Variants in SYNE1 observed in about 807,000 individuals in gnomAD.
The protein encoded by SYNE1 is spectrin repeat containing nuclear envelope protein 1.
SYNE1 carries 616 observed loss-of-function variants against 1,111.0 expected under a neutral mutation model. The observed-to-expected ratio is 0.55, with a 90% CI of 0.52 to 0.59. The LOEUF is 0.59. Among genes scored for constraint, SYNE1 ranks in the 20% least tolerant of loss-of-function variants. The probability of loss-of-function intolerance (pLI) is 0.00; values close to 1 mark genes in which losing one functional copy is unlikely to be tolerated. For synonymous variants in SYNE1, 3,855 were observed against 3,825.8 expected, an observed-to-expected ratio of 1.01 and a Z score of -0.28; for missense variants, 10,006 against 10,417.0, an observed-to-expected ratio of 0.96 and a Z score of 1.72.
chr6:152,608,751 C>T (rs1032795195), intron 3 of SYNE1, among the ~76,000 whole-genome samples: 8 of 152,018 alleles, frequency 5.3e-5, no homozygotes, highest in African/African-American at 7.2e-5. Context: ...CTGGCCACCA[C>T]GGTCAAACCT....
rs1180532365 is a variant in SYNE1 at position 152,330,130 on chromosome 6, T to G, written c.14555A>C (p.Glu4852Ala). 4 of 1,614,204 alleles carry G rather than the reference T, an allele frequency of 2.5e-6. No individual in the cohort carries two copies. The Admixed American group carries it at 6.7e-5, about 27-fold the overall frequency. Residue 4852 changes from glutamate (E) to alanine (A), a missense_variant, in exon 78 of 146, where the codon GAG (glutamate) becomes GCG (alanine). Physicochemically the swap from Glu to Ala is moderately radical, Grantham distance 107 (BLOSUM62 -1). Transcript: ENST00000367255. ...GGACTGGATCTGATGCCTGGCTTTC[T>G]CATAAGCCAAGGGGTCAAGGTGTGG... ...LAPHLDPLAYEKARHQIQSWQ... is the reference protein window; with the variant it reads ...LAPHLDPLAYAKARHQIQSWQ...
chr6:152,557,587 T>A (rs190296393), intron 3 of SYNE1, among the ~76,000 whole-genome samples: 19 of 152,224 alleles, frequency 1.2e-4, no homozygotes, highest in Admixed American at 1.2e-3. Context: ...TTGTTATGTA[T>A]AAGGGAAACT....
intron 4 of SYNE1, among the ~76,000 whole-genome samples, chr6:152,533,796 CA>C (rs1326922776): frequency 3.9e-5 from 6 of 152,226 alleles, no homozygotes; most frequent in South Asian, 4.2e-4. Context: ...ACATTTTCAG[CA>C]CCTAGAATAT....
intron 73 of SYNE1, 145 bp from the exon 74 acceptor site, chr6:152,344,372 G>C: frequency 7.8e-7 from 1 of 1,288,016 alleles, no homozygotes; most frequent in Non-Finnish European, 1.1e-6. Context: ...TAAGGCAGTT[G>C]TATGTCTCCC....
chr6:152,380,966 T>A (rs1462686206), intron 56 of SYNE1, 40 bp downstream of exon 56: 1 of 1,597,006 alleles, frequency 6.3e-7, no homozygotes, highest in Non-Finnish European at 8.6e-7. Context: ...AAACATTTTT[T>A]AAAGCATAAC....
chr6:152,614,437 C>A (rs2178008), intron 3 of SYNE1, among the ~76,000 whole-genome samples: 108,835 of 152,056 alleles, frequency 0.72, 39,041 homozygotes, highest in East Asian at 0.81. Flanking sequence ...AAGGAGATAC[C>A]ATCTCACACC....
chr6:152,323,598 G>C lies in SYNE1; in HGVS notation c.15797C>G (p.Ser5266Trp). The C allele has an allele frequency of 1.2e-6, 2 of 1,614,190 alleles. No individual in the cohort carries two copies. Among genetic ancestry groups the C allele is most frequent in the East Asian group, 2.2e-5 (1 of 44,886 alleles). The change falls in exon 82 of 146, where the codon TCG (serine) becomes TGG (tryptophan). Residue 5266 changes from serine to tryptophan, a missense_variant. Ser to Trp is a radical substitution (Grantham distance 177). Transcript: ENST00000367255. ...TFVLELEQQQSALGMLRQQTL... is the reference protein window; with the variant it reads ...TFVLELEQQQWALGMLRQQTL... The stretch of plus-strand genomic sequence containing the variant: ...TTGCTGCCGCAGCATGCCCAAGGCC[G>C]ACTGCTGCTGCTCCAGCTCCAGAAC...
chr6:152,328,819 G>A (rs2096163603), intron 78 of SYNE1, among the ~76,000 whole-genome samples: 1 of 152,144 alleles, frequency 6.6e-6, no homozygotes, highest in African/African-American at 2.4e-5. Flanking sequence ...TTATCCCCAA[G>A]TCAAGTAATT....
chr6:152,521,557 T>A (rs539487620), intron 5 of SYNE1, among the ~76,000 whole-genome samples: 1 of 152,214 alleles, frequency 6.6e-6, no homozygotes, highest in Non-Finnish European at 1.5e-5. Flanking sequence ...TGAATATATG[T>A]AAAATGTATA....
intron 76 of SYNE1, chr6:152,336,311 G>A (rs1261420607): frequency 5.5e-6 from 1 of 182,872 alleles, no homozygotes; most frequent in Non-Finnish European, 1.2e-5. Flanking sequence ...ATATTTGAAT[G>A]TCTACTTTAT....
rs1382798556 is a variant in SYNE1 at position 152,191,948 on chromosome 6, A to G, written c.23146-2541T>C. On this transcript the variant is annotated intron_variant, in intron 127 of 145. Transcript: ENST00000367255. ...GTAGGTTTTGGTATGTTGTGTTTCC[A>G]TTATCATTTGTTTCAAGAAATTTTT... Among the ~76,000 whole-genome samples, 6 of 152,086 alleles carry G rather than the reference A, an allele frequency of 3.9e-5. No homozygotes were observed. The East Asian group carries it at 7.7e-4, about 19-fold the overall frequency.
chr6:152,385,671 G>C lies in SYNE1; in HGVS notation c.8652+3C>G. ...TAGATATAGCATCTGTTCATTTCCT[G>C]ACCTTAATTTTTGATAACTTTTTCT... On this transcript the variant is annotated splice_donor_region_variant and intron_variant, in intron 55 of 145. Transcript: ENST00000367255. The C allele has an allele frequency of 6.2e-7, 1 of 1,614,002 alleles. No individual in the cohort carries two copies.
At position 152,242,222 on chromosome 6, in the gene SYNE1, C is replaced by A. The variant is rs1306460593; in HGVS notation, c.19893+18G>T. ...TTCCAATTACATTTTCTCTCTATCA[C>A]TCTTTTTTGTTATGTACCTTATGTT... On this transcript the variant is annotated intron_variant, in intron 107 of 145. Coordinates refer to ENST00000367255, the MANE Select transcript of SYNE1 (RefSeq NM_182961.4). 6.2e-7 allele frequency: 1 copy of A among 1,605,792 alleles called. No homozygotes were observed. The highest frequency in any genetic ancestry group is 1.7e-5 in the Admixed American group (1 of 60,006).
chr6:152,214,484 T>C (rs1270251411), intron 122 of SYNE1, among the ~76,000 whole-genome samples: 3 of 152,216 alleles, frequency 2.0e-5, no homozygotes, highest in African/African-American at 2.4e-5. Context: ...TGTGAATGTA[T>C]CCCTTCCATA....
At chr6:152,176,371 C>T in intron 130 of SYNE1, 23 bp downstream of exon 130, 1 of 1,613,830 alleles carries the variant, frequency 6.2e-7, no homozygotes, top group South Asian at 1.1e-5. Context: ...CACACGTGCC[C>T]TATTGACTCA....
intron 95 of SYNE1, among the ~76,000 whole-genome samples, chr6:152,290,640 G>C (rs1267393051): frequency 6.6e-6 from 1 of 151,954 alleles, no homozygotes; most frequent in Non-Finnish European, 1.5e-5. Context: ...TTAGACAAGT[G>C]TTTAAAGGAA....
At chr6:152,447,930 C>A (rs573676711) in intron 28 of SYNE1, among the ~76,000 whole-genome samples, 1 of 152,164 alleles carries the variant, frequency 6.6e-6, no homozygotes, top group Non-Finnish European at 1.5e-5. Flanking sequence ...TGAGACGCCA[C>A]AATTGGCAAC....
At chr6:152,434,910 A>G (rs2098459553) in intron 33 of SYNE1, 1 of 152,214 alleles carries the variant, frequency 6.6e-6, no homozygotes, top group Non-Finnish European at 1.5e-5. Flanking sequence ...TGTCAGCAGT[A>G]CAGGTAATGC....
chr6:152,485,099 AAC>A, intron 12 of SYNE1, 127 bp from the exon 13 acceptor site: 1 of 1,104,514 alleles, frequency 9.1e-7, no homozygotes, highest in Non-Finnish European at 1.3e-6. Context: ...TGATAATAAT[AAC>A]GGTAGTTATG....
Sources: gnomAD v4.1 joint callset for allele counts (sites outside exome capture counted in the v4.1 genomes callset) on GRCh38, gnomAD v4.1.1 for gene constraint, MANE v1.5 for transcripts, NCBI Gene and HGNC (gene_info 2026-07-23, HGNC 2026-07-21) for gene names.